The following HIRA variants were observed in gnomAD, a reference collection of about 807,000 sequenced individuals.
The protein encoded by HIRA is protein HIRA.
Under a neutral mutation model 126.6 loss-of-function variants are expected in HIRA, and 13 were observed. The ratio of observed to expected loss-of-function variants is 0.10; its 90% CI spans 0.07 to 0.16. HIRA has a LOEUF of 0.16. HIRA is among the 10% of genes least tolerant of loss of function. The pLI, the probability that HIRA is intolerant of heterozygous loss-of-function variation, is 1.00. For synonymous variants in HIRA, 511 were observed against 520.0 expected (o/e 0.98, Z 0.24); for missense variants, 834 against 1,314.4 (o/e 0.63, Z 5.65).
intron 1 of HIRA, among the ~76,000 whole-genome samples, chr22:19,422,197 C>T (rs5748196): frequency 4.9e-4 from 60 of 122,332 alleles, no homozygotes; most frequent in African/African-American, 1.7e-3. Flanking sequence ...CACACACATA[C>T]ACATATATAT....
At chr22:19,395,398 C>G (rs1477294652) in intron 7 of HIRA, among the ~76,000 whole-genome samples, 1 of 152,218 alleles carries the variant, frequency 6.6e-6, no homozygotes, top group East Asian at 1.9e-4. Context: ...CCACCTCCTG[C>G]TGGTACTCAA....
At position 19,353,492 on chromosome 22, in the gene HIRA, G is replaced by A. The variant is rs1556011544; in HGVS notation, c.2712C>T (p.Phe904=). ...SNSGRQAARL[F]SVPHVVQQET... ...CTTGCTGCACCACATGAGGCACGGA[G>A]AAGAGCCGGGCAGCCTGCCTTCCCG... The change falls in exon 23 of 25, where the codon TTC becomes TTT. Residue 904 remains phenylalanine (F), a synonymous_variant. Transcript: ENST00000263208. 6.2e-7 allele frequency: 1 copy of A among 1,611,514 alleles called. No individual in the cohort carries two copies.
chr22:19,358,163 C>T (rs1556013280), intron 18 of HIRA, among the ~76,000 whole-genome samples: 1 of 152,094 alleles, frequency 6.6e-6, no homozygotes, highest in African/African-American at 2.4e-5. Flanking sequence ...CCACGCCTGG[C>T]TAATTTTTGT....
intron 1 of HIRA, among the ~76,000 whole-genome samples, chr22:19,416,479 C>A (rs924939062): frequency 1.3e-5 from 2 of 151,984 alleles, no homozygotes; most frequent in African/African-American, 4.8e-5. Context: ...CACAACCACG[C>A]CTGGTGCGCA....
intron 1 of HIRA, among the ~76,000 whole-genome samples, chr22:19,416,493 C>T (rs573915239): frequency 6.6e-6 from 1 of 151,980 alleles, no homozygotes; most frequent in Non-Finnish European, 1.5e-5. Flanking sequence ...GTGCGCACCA[C>T]CACGCCTGGC....
intron 1 of HIRA, among the ~76,000 whole-genome samples, chr22:19,422,171 T>TACACACAC (rs763716204): frequency 0.034 from 4,890 of 143,084 alleles, 123 homozygotes; most frequent in South Asian, 0.047. Context: ...TGTTTATATA[T>TACACACAC]ACACACACAC....
intron 24 of HIRA, among the ~76,000 whole-genome samples, chr22:19,337,025 G>A (rs1249472493): frequency 6.6e-6 from 1 of 152,082 alleles, no homozygotes; most frequent in African/African-American, 2.4e-5. Context: ...CTCAGCAATG[G>A]ATCCAAACCA....
At chr22:19,368,225 C>T (rs1164218487) in intron 15 of HIRA, among the ~76,000 whole-genome samples, 1 of 152,214 alleles carries the variant, frequency 6.6e-6, no homozygotes, top group African/African-American at 2.4e-5. Context: ...CAGATACACA[C>T]ACCAGCGTGT....
intron 24 of HIRA, among the ~76,000 whole-genome samples, chr22:19,343,082 T>C (rs1208521383): frequency 2.6e-5 from 4 of 152,080 alleles, no homozygotes; most frequent in Admixed American, 6.5e-5. Context: ...GTAATGGACT[T>C]TGGGGACTCA....
intron 24 of HIRA, among the ~76,000 whole-genome samples, chr22:19,339,318 T>C (rs2088600565): frequency 1.3e-5 from 2 of 152,162 alleles, no homozygotes; most frequent in Admixed American, 1.3e-4. Context: ...GGAAAGTTGA[T>C]AGCATTAAAT....
chr22:19,417,655 C>G (rs2089410284), intron 1 of HIRA, among the ~76,000 whole-genome samples: 1 of 152,074 alleles, frequency 6.6e-6, no homozygotes, highest in South Asian at 2.1e-4. Context: ...TGGCTACTTA[C>G]AAAAAACCTC....
chr22:19,394,400 C>A lies in HIRA; in HGVS notation c.764G>T (p.Arg255Leu). 6.2e-7 allele frequency: 1 copy of A among 1,614,170 alleles called. No individual in the cohort carries two copies. Among genetic ancestry groups the A allele is most frequent in the Non-Finnish European group, 8.5e-7 (1 of 1,180,040 alleles). Reference sequence around the variant, plus strand: ...GTCCATGTTGGTCTTCCATCCCTCCCGTTCGATGATCTGGGCAGTGGGGCC... The same window carrying A: ...GTCCATGTTGGTCTTCCATCCCTCCAGTTCGATGATCTGGGCAGTGGGGCC... ...NSGPTAQIIE[R>L]EGWKTNMDFV... is the part of the protein sequence containing the mutation. The change falls in exon 8 of 25, where the codon CGG becomes CTG. Residue 255 changes from arginine (R) to leucine (L), a missense_variant. By Grantham distance (102) the Arg-to-Leu change is moderately radical. Coordinates refer to ENST00000263208, the MANE Select transcript of HIRA (RefSeq NM_003325.4).
chr22:19,408,949 ACTC>A (rs977935313), intron 2 of HIRA, among the ~76,000 whole-genome samples: 37 of 152,062 alleles, frequency 2.4e-4, no homozygotes, highest in African/African-American at 8.7e-4. Context: ...CGACTCCTTG[ACTC>A]CTCATCTGTG....
At chr22:19,368,612 T>C (rs1050161368) in intron 15 of HIRA, among the ~76,000 whole-genome samples, 4 of 152,228 alleles carry the variant, frequency 2.6e-5, no homozygotes, top group African/African-American at 9.6e-5. Flanking sequence ...GTTCTAATTT[T>C]TTCTAACATG....
chr22:19,429,988 G>A (rs911929608), intron 1 of HIRA: 1 of 152,202 alleles, frequency 6.6e-6, no homozygotes. Flanking sequence ...AAATGCTCTT[G>A]GAGATCAACA....
chr22:19,412,048 C>A (rs1192799757), intron 1 of HIRA, among the ~76,000 whole-genome samples: 1 of 152,204 alleles, frequency 6.6e-6, no homozygotes, highest in Non-Finnish European at 1.5e-5. Context: ...GGTTGAGTAT[C>A]CCTTATCTGA....
chr22:19,391,153 C>T (rs1332985110), intron 9 of HIRA, among the ~76,000 whole-genome samples: 1 of 152,148 alleles, frequency 6.6e-6, no homozygotes, highest in Non-Finnish European at 1.5e-5. Flanking sequence ...TGGAATGCTA[C>T]ACCGAAATTA....
chr22:19,408,031 C>G (rs533020212), intron 3 of HIRA, among the ~76,000 whole-genome samples: 5 of 152,314 alleles, frequency 3.3e-5, no homozygotes, highest in African/African-American at 1.2e-4. Context: ...AGTGACTGTT[C>G]ATTAAGCATC....
In HIRA at chr22:19,383,609, T is replaced by C. The variant is rs1295723760; in HGVS notation, c.1415+11A>G. Reference sequence around the variant, plus strand: ...GCCAGATAAGACCATGAAAGGGGAATGAACCAGTACCCAGTGTCCAGCTGT... The same window carrying C: ...GCCAGATAAGACCATGAAAGGGGAACGAACCAGTACCCAGTGTCCAGCTGT... On this transcript the variant is annotated intron_variant, in intron 13 of 24. Transcript: ENST00000263208. 1.9e-6 allele frequency: 3 copies of C among 1,605,906 alleles called. 1 individual carries two copies. The highest frequency in any genetic ancestry group is 2.2e-5 in the South Asian group (2 of 90,672).
Sources: gnomAD v4.1 joint callset for allele counts (sites outside exome capture counted in the v4.1 genomes callset) on GRCh38, gnomAD v4.1.1 for gene constraint, MANE v1.5 for transcripts, NCBI Gene and HGNC (gene_info 2026-07-23, HGNC 2026-07-21) for gene names.